The following INTS9 variants were observed in gnomAD, a reference collection of about 807,000 sequenced individuals.
The protein encoded by INTS9 is protein related to CPSF subunits of 74 kDa.
A neutral mutation model predicts 79.7 loss-of-function variants in INTS9; 55 were observed. The ratio of observed to expected loss-of-function variants is 0.69; its 90% CI spans 0.56 to 0.86. The LOEUF is 0.86. Among genes scored for constraint, INTS9 ranks in the 40% least tolerant of loss-of-function variants. INTS9 has a pLI of 0.00. For missense variants in INTS9, 721 were observed against 831.5 expected, an observed-to-expected ratio of 0.87 and a Z score of 1.64; for synonymous variants, 319 against 325.2, an observed-to-expected ratio of 0.98 and a Z score of 0.20.
chr8:28,881,935 C>T (rs1449134641), intron 1 of INTS9, among the ~76,000 whole-genome samples: 2 of 145,712 alleles, frequency 1.4e-5, no homozygotes, highest in Admixed American at 1.3e-4. Flanking sequence ...TGCCCGGCCA[C>T]GACCCCGTCT....
Position 28,866,493 on chromosome 8 carries a change from G to A in INTS9, c.10-6930C>T, listed in dbSNP as rs867163063. 9.2e-5 allele frequency among the ~76,000 whole-genome samples: 14 copies of A among 152,230 alleles called. 1 individual carries two copies. In the South Asian group the frequency reaches 1.2e-3, roughly 14 times the overall value. On this transcript the variant is annotated intron_variant, in intron 1 of 16. Coordinates refer to ENST00000521022, the MANE Select transcript of INTS9 (RefSeq NM_018250.4). Reference sequence around the variant, plus strand: ...ACTGGCCCAAGCTCCTTGCAGAGACGAGCTTCCTTACAGACCCCAGGGGCA... The same window carrying A: ...ACTGGCCCAAGCTCCTTGCAGAGACAAGCTTCCTTACAGACCCCAGGGGCA...
intron 1 of INTS9, among the ~76,000 whole-genome samples, chr8:28,868,180 A>C (rs1808869659): frequency 6.6e-6 from 1 of 152,254 alleles, no homozygotes; most frequent in Admixed American, 6.5e-5. Context: ...TCTGGTTCTG[A>C]ACAAAGAGGA....
intron 12 of INTS9, chr8:28,780,533 G>A: frequency 1.0e-6 from 1 of 985,386 alleles, no homozygotes; most frequent in Non-Finnish European, 1.2e-6. Flanking sequence ...CTGAATCACT[G>A]CACTTCTTGA....
intron 4 of INTS9, among the ~76,000 whole-genome samples, chr8:28,842,667 C>CT (rs376848209): frequency 1.2e-3 from 181 of 146,878 alleles, no homozygotes; most frequent in Middle Eastern, 3.6e-3. Flanking sequence ...TCACCTCCCA[C>CT]TTTTTTTTTT....
At chr8:28,821,443 C>A (rs1341801685) in intron 6 of INTS9, among the ~76,000 whole-genome samples, 13 of 152,212 alleles carry the variant, frequency 8.5e-5, no homozygotes, top group Non-Finnish European at 1.2e-4. Context: ...ATTATCTCCC[C>A]CTGGGTCCCT....
intron 6 of INTS9, among the ~76,000 whole-genome samples, chr8:28,824,128 C>T (rs908037042): frequency 6.6e-6 from 1 of 152,212 alleles, no homozygotes; most frequent in Non-Finnish European, 1.5e-5. Context: ...TATAGGGCTT[C>T]TGTTCACACT....
intron 4 of INTS9, 143 bp from the exon 5 acceptor site, chr8:28,837,919 C>T (rs1365294875): frequency 2.4e-6 from 2 of 824,360 alleles, no homozygotes. Context: ...CTGCCATTCT[C>T]TCATTTGAAG....
At chr8:28,814,044 C>G (rs1466320647) in intron 6 of INTS9, among the ~76,000 whole-genome samples, 2 of 151,200 alleles carry the variant, frequency 1.3e-5, no homozygotes, top group Middle Eastern at 3.4e-3. Flanking sequence ...CAGGCATGAG[C>G]CACCGTGCTC....
At chr8:28,768,590 C>T (rs1413065332) in intron 16 of INTS9, among the ~76,000 whole-genome samples, 1 of 152,206 alleles carries the variant, frequency 6.6e-6, no homozygotes, top group East Asian at 1.9e-4. Context: ...GCACTGTGTT[C>T]AGGAGTCTGG....
Position 28,870,023 on chromosome 8 carries a change from G to T in INTS9, c.10-10460C>A, listed in dbSNP as rs528689161. Among the ~76,000 whole-genome samples, 14 of 152,178 alleles carry T rather than the reference G, an allele frequency of 9.2e-5. No individual in the cohort carries two copies. The South Asian group carries it at 2.9e-3, about 32-fold the overall frequency. On this transcript the variant is annotated intron_variant, in intron 1 of 16. Transcript: ENST00000521022. Reference sequence around the variant, plus strand: ...GGAAATGTTGATAGTAAATCATTAAGGGCGAGGGAAGGAAAACAGGTAGGG... The same window carrying T: ...GGAAATGTTGATAGTAAATCATTAATGGCGAGGGAAGGAAAACAGGTAGGG...
intron 11 of INTS9, among the ~76,000 whole-genome samples, chr8:28,782,974 C>T (rs1268021466): frequency 1.3e-5 from 2 of 151,930 alleles, no homozygotes; most frequent in Non-Finnish European, 2.9e-5. Context: ...GGTGAAACCC[C>T]GTCTCTACTA....
At chr8:28,818,225 G>C (rs1805616567) in intron 6 of INTS9, among the ~76,000 whole-genome samples, 1 of 141,924 alleles carries the variant, frequency 7.0e-6, no homozygotes, top group Non-Finnish European at 1.5e-5. Context: ...TCCCTGTCTT[G>C]TGCCAGTTTT....
At chr8:28,796,966 C>T (rs1323458091) in intron 8 of INTS9, 2 of 227,272 alleles carry the variant, frequency 8.8e-6, no homozygotes, top group African/African-American at 4.4e-5. Context: ...CATTTTACCT[C>T]CATTAAAACA....
intron 1 of INTS9, among the ~76,000 whole-genome samples, chr8:28,889,502 T>C (rs1254318917): frequency 6.6e-6 from 1 of 152,186 alleles, no homozygotes; most frequent in Non-Finnish European, 1.5e-5. Flanking sequence ...GGAGACAGGA[T>C]ACTCAAGCGC....
chr8:28,777,781 A>G lies in INTS9; in HGVS notation c.1395+48T>C, dbSNP rs777841731. ...CTCACCCCACACAAGCATGAGCCAC[A>G]CCAAGGTGACATGACTACGTGAAGG... On this transcript the variant is annotated intron_variant, in intron 13 of 16. Coordinates refer to ENST00000521022, the MANE Select transcript of INTS9 (RefSeq NM_018250.4). The G allele has an allele frequency of 2.6e-6, 4 of 1,553,960 alleles. No homozygotes were observed. In the African/African-American group the frequency reaches 5.5e-5, roughly 21 times the overall value.
intron 2 of INTS9, among the ~76,000 whole-genome samples, chr8:28,856,518 C>T (rs1262427570): frequency 6.6e-6 from 1 of 152,030 alleles, no homozygotes; most frequent in Non-Finnish European, 1.5e-5. Context: ...ACTCTCTGGG[C>T]TCAAGTGATC....
chr8:28,812,976 T>A (rs1409703150), intron 7 of INTS9, among the ~76,000 whole-genome samples: 1 of 152,232 alleles, frequency 6.6e-6, no homozygotes, highest in Non-Finnish European at 1.5e-5. Context: ...TCAGCTCTCT[T>A]CCATGTCCCC....
At chr8:28,837,096 T>G (rs947960991) in intron 5 of INTS9, among the ~76,000 whole-genome samples, 5 of 152,212 alleles carry the variant, frequency 3.3e-5, no homozygotes, top group Admixed American at 6.5e-5. Flanking sequence ...TGGCAGAGGC[T>G]TCTTAGAGTC....
At chr8:28,787,001 G>A (rs1274819808) in intron 11 of INTS9, among the ~76,000 whole-genome samples, 1 of 152,170 alleles carries the variant, frequency 6.6e-6, no homozygotes, top group Non-Finnish European at 1.5e-5. Flanking sequence ...ACAGGCGTGA[G>A]CCACCGAGCC....
Sources: gnomAD v4.1 joint callset for allele counts (sites outside exome capture counted in the v4.1 genomes callset) on GRCh38, gnomAD v4.1.1 for gene constraint, MANE v1.5 for transcripts, NCBI Gene and HGNC (gene_info 2026-07-23, HGNC 2026-07-21) for gene names.